DHRSX: variants seen among roughly 807,000 people sequenced by gnomAD.
The protein encoded by DHRSX is polyprenol dehydrogenase.
A neutral mutation model predicts 34.0 loss-of-function variants in DHRSX; 31 were observed. The ratio of observed to expected loss-of-function variants is 0.91; its 90% CI spans 0.69 to 1.23. The LOEUF is 1.23. Among genes scored for constraint, DHRSX ranks in the 50% most tolerant of loss-of-function variants. DHRSX has a pLI of 0.00. For missense variants in DHRSX, 414 were observed against 428.1 expected, an observed-to-expected ratio of 0.97 and a Z score of 0.29; for synonymous variants, 201 against 183.8, an observed-to-expected ratio of 1.09 and a Z score of -0.76.
chrX:2,438,500 A>G (rs1351734420), intron 1 of DHRSX, among the ~76,000 whole-genome samples: 6 of 152,040 alleles, frequency 3.9e-5, no homozygotes, highest in Admixed American at 1.3e-4. Context: ...GTGAAACCCC[A>G]TCTCTACTAA....
At chrX:2,237,194 T>A (rs1303642438) in intron 6 of DHRSX, among the ~76,000 whole-genome samples, 5 of 151,838 alleles carry the variant, frequency 3.3e-5, no homozygotes, top group Non-Finnish European at 7.4e-5. Context: ...TTAAAAAAAA[T>A]AAAAATAAAA....
At chrX:2,451,042 C>T (rs2044209638) in intron 1 of DHRSX, among the ~76,000 whole-genome samples, 1 of 152,054 alleles carries the variant, frequency 6.6e-6, no homozygotes, top group Admixed American at 6.6e-5. Flanking sequence ...CTTAAACCTC[C>T]AACCTTTAGA....
intron 1 of DHRSX, among the ~76,000 whole-genome samples, chrX:2,452,370 C>T (rs2044234686): frequency 1.3e-5 from 2 of 151,600 alleles, no homozygotes; most frequent in African/African-American, 4.8e-5. Context: ...GTCAAGGGAC[C>T]GCACTGAAGA....
intron 3 of DHRSX, among the ~76,000 whole-genome samples, chrX:2,315,359 G>A (rs2124524661): frequency 6.6e-6 from 1 of 152,140 alleles, no homozygotes; most frequent in African/African-American, 2.4e-5. Context: ...GGTGAGAAAG[G>A]CCTACATCAG....
At chrX:2,227,742 A>G (rs866443787) in intron 6 of DHRSX, among the ~76,000 whole-genome samples, 8 of 664 alleles carry the variant, frequency 0.012, no homozygotes, top group Non-Finnish European at 0.016. Flanking sequence ...GAGGGAGGGA[A>G]GGATGGGAAG....
At chrX:2,382,585 TCATCATCAC>T (rs2043216633) in intron 3 of DHRSX, among the ~76,000 whole-genome samples, 4 of 68,294 alleles carry the variant, frequency 5.9e-5, no homozygotes, top group African/African-American at 1.4e-4. Context: ...ACCATCACCA[TCATCATCAC>T]CATCATCACC....
chrX:2,291,925 A>C (rs2124491454), intron 3 of DHRSX, among the ~76,000 whole-genome samples: 1 of 125,688 alleles, frequency 8.0e-6, no homozygotes, highest in South Asian at 2.4e-4. Flanking sequence ...TTTTTAGTAG[A>C]GACAATGTTT....
At chrX:2,298,610 A>ACACACACACACACACACACACACACACG (rs2041967291) in intron 3 of DHRSX, among the ~76,000 whole-genome samples, 8 of 64,780 alleles carry the variant, frequency 1.2e-4, no homozygotes, top group Admixed American at 4.8e-4. Context: ...GTACACACAC[A>ACACACACACACACACACACACACACACG]CACACACACA....
intron 4 of DHRSX, among the ~76,000 whole-genome samples, chrX:2,282,715 GGA>G (rs376314392): frequency 7.4e-6 from 1 of 135,890 alleles, no homozygotes; most frequent in African/African-American, 2.8e-5. Context: ...AGGGAAGGAA[GGA>G]GAGAGGGAGG....
intron 3 of DHRSX, among the ~76,000 whole-genome samples, chrX:2,357,749 G>A (rs1176729914): frequency 6.7e-6 from 1 of 149,720 alleles, no homozygotes; most frequent in Non-Finnish European, 1.5e-5. Flanking sequence ...CTAAAACTGT[G>A]CCCAGACACA....
intron 5 of DHRSX, among the ~76,000 whole-genome samples, chrX:2,251,613 G>A (rs151266611): frequency 7.9e-5 from 12 of 152,232 alleles, no homozygotes; most frequent in African/African-American, 2.9e-4. Flanking sequence ...CCCTTTGTTC[G>A]CTGTACTCTC....
intron 1 of DHRSX, among the ~76,000 whole-genome samples, chrX:2,440,699 A>G (rs762729282): frequency 6.6e-6 from 1 of 152,078 alleles, no homozygotes; most frequent in South Asian, 2.1e-4. Flanking sequence ...GTGATTTGCC[A>G]GGGGCTCCTG....
chrX:2,412,256 T>C (rs2043640691), intron 2 of DHRSX, among the ~76,000 whole-genome samples: 1 of 152,160 alleles, frequency 6.6e-6, no homozygotes, highest in South Asian at 2.1e-4. Context: ...ATAGCCATTA[T>C]GGAAAACAGT....
intron 1 of DHRSX, among the ~76,000 whole-genome samples, chrX:2,482,127 G>C (rs960898770): frequency 2.5e-5 from 3 of 120,256 alleles, no homozygotes; most frequent in Non-Finnish European, 5.3e-5. Flanking sequence ...CACCACGTCT[G>C]GCTTTTTTTT....
intron 1 of DHRSX, among the ~76,000 whole-genome samples, chrX:2,441,644 C>G (rs2044063816): frequency 1.3e-5 from 2 of 152,116 alleles, no homozygotes. Flanking sequence ...AGGAGGGACT[C>G]TTTTTACCTC....
At chrX:2,433,984 T>C (rs1002078174) in intron 1 of DHRSX, among the ~76,000 whole-genome samples, 1 of 151,942 alleles carries the variant, frequency 6.6e-6, no homozygotes, top group African/African-American at 2.4e-5. Context: ...TTCACTGTGT[T>C]AGCCAGGATG....
At chrX:2,408,723 C>T in intron 3 of DHRSX, 22 bp downstream of exon 3, 6 of 1,590,686 alleles carry the variant, frequency 3.8e-6, no homozygotes, top group Non-Finnish European at 5.1e-6. Context: ...CAAAAAAAAG[C>T]CATTGGAGTA....
chrX:2,367,942 C>T (rs1471631612), intron 3 of DHRSX, among the ~76,000 whole-genome samples: 1 of 151,960 alleles, frequency 6.6e-6, no homozygotes, highest in Non-Finnish European at 1.5e-5. Context: ...CGGGTATTTA[C>T]TCATTAAGAA....
chrX:2,429,159 C>A (rs980200954), intron 1 of DHRSX, among the ~76,000 whole-genome samples: 18 of 151,664 alleles, frequency 1.2e-4, no homozygotes, highest in Admixed American at 1.2e-3. Flanking sequence ...GTGTTCCTGA[C>A]CCAAGCTGAG....
Sources: gnomAD v4.1 joint callset for allele counts (sites outside exome capture counted in the v4.1 genomes callset) on GRCh38, gnomAD v4.1.1 for gene constraint, MANE v1.5 for transcripts, NCBI Gene and HGNC (gene_info 2026-07-23, HGNC 2026-07-21) for gene names.